CNTN4: variants seen among roughly 807,000 people sequenced by gnomAD.
CNTN4 encodes contactin-4.
Under a neutral mutation model 122.5 loss-of-function variants are expected in CNTN4, and 77 were observed. That is an observed-to-expected ratio of 0.63 (90% CI 0.52 to 0.76). The LOEUF (loss-of-function observed/expected upper bound fraction) is 0.76, where lower values mean the gene tolerates loss of function less well. Among genes scored for constraint, CNTN4 ranks in the 30% least tolerant of loss-of-function variants. The pLI, the probability that CNTN4 is intolerant of heterozygous loss-of-function variation, is 0.00. For missense variants in CNTN4, 1,256 were observed against 1,259.1 expected (o/e 1.00, Z 0.04); for synonymous variants, 512 against 447.0 (o/e 1.15, Z -1.83).
chr3:2,909,966 C>T (rs984460306), intron 12 of CNTN4, among the ~76,000 whole-genome samples: 1 of 152,216 alleles, frequency 6.6e-6, no homozygotes, highest in Non-Finnish European at 1.5e-5. Flanking sequence ...TGAACATAGT[C>T]TCCCTACCAA....
At chr3:2,772,350 T>G (rs1218227373) in intron 6 of CNTN4, among the ~76,000 whole-genome samples, 1 of 151,908 alleles carries the variant, frequency 6.6e-6, no homozygotes, top group East Asian at 1.9e-4. Context: ...TGAAAAATAC[T>G]TTTGTGGTGA....
chr3:2,252,972 A>G (rs1360078121), intron 2 of CNTN4, among the ~76,000 whole-genome samples: 4 of 152,106 alleles, frequency 2.6e-5, no homozygotes, highest in Non-Finnish European at 5.9e-5. Flanking sequence ...TATATTCACA[A>G]AAGAATACCA....
chr3:2,794,421 A>G (rs2092107097), intron 6 of CNTN4, among the ~76,000 whole-genome samples: 1 of 152,242 alleles, frequency 6.6e-6, no homozygotes, highest in African/African-American at 2.4e-5. Context: ...AGGAGATACA[A>G]TAAATAGTAA....
At chr3:2,816,933 G>A (rs2150211685) in intron 6 of CNTN4, among the ~76,000 whole-genome samples, 1 of 151,950 alleles carries the variant, frequency 6.6e-6, no homozygotes, top group Admixed American at 6.5e-5. Flanking sequence ...TGGAAACATT[G>A]CTGGTAAAGG....
At chr3:2,885,903 G>A (rs544785272) in intron 9 of CNTN4, among the ~76,000 whole-genome samples, 8 of 152,288 alleles carry the variant, frequency 5.3e-5, no homozygotes, top group African/African-American at 1.9e-4. Context: ...TTATCTGGAA[G>A]CCTTACGTAC....
chr3:2,964,607 T>C (rs1222843516), intron 13 of CNTN4, among the ~76,000 whole-genome samples: 4 of 152,184 alleles, frequency 2.6e-5, no homozygotes, highest in Non-Finnish European at 4.4e-5. Context: ...AGCTCCCATA[T>C]GTGACATAGC....
chr3:2,167,058 T>C (rs898150927), intron 2 of CNTN4, among the ~76,000 whole-genome samples: 2 of 152,152 alleles, frequency 1.3e-5, no homozygotes, highest in African/African-American at 4.8e-5. Context: ...GACATAGATG[T>C]AATAAAAATA....
intron 2 of CNTN4, among the ~76,000 whole-genome samples, chr3:2,264,005 C>T (rs2040943720): frequency 2.0e-5 from 3 of 152,096 alleles, no homozygotes; most frequent in African/African-American, 7.2e-5. Context: ...TTTATCTATC[C>T]ATTCATTTCT....
intron 3 of CNTN4, among the ~76,000 whole-genome samples, chr3:2,442,820 T>C (rs112825742): frequency 7.2e-5 from 11 of 152,286 alleles, no homozygotes; most frequent in African/African-American, 2.6e-4. Context: ...ATTTTTGAAA[T>C]GGTTAATGAG....
chr3:2,907,477 G>T (rs1432183941), intron 12 of CNTN4, among the ~76,000 whole-genome samples: 1 of 151,598 alleles, frequency 6.6e-6, no homozygotes, highest in African/African-American at 2.4e-5. Context: ...GGAGGCTGAG[G>T]CAGGAGAATC....
chr3:2,551,748 A>G (rs1486167540), intron 3 of CNTN4, among the ~76,000 whole-genome samples: 1 of 152,132 alleles, frequency 6.6e-6, no homozygotes, highest in Non-Finnish European at 1.5e-5. Flanking sequence ...TGCTTTTATA[A>G]CTTTTCTCTC....
At chr3:2,674,267 G>A (rs969490493) in intron 4 of CNTN4, among the ~76,000 whole-genome samples, 1 of 150,454 alleles carries the variant, frequency 6.6e-6, no homozygotes, top group Non-Finnish European at 1.5e-5. Context: ...TCCTCATCAC[G>A]TTTTTTTTTA....
Position 2,254,302 on chromosome 3 carries a change from C to T in CNTN4, c.-144-84876C>T, listed in dbSNP as rs184029975. On this transcript the variant is annotated intron_variant, in intron 2 of 24. Coordinates refer to ENST00000418658, the MANE Select transcript of CNTN4 (RefSeq NM_175607.3). ...ATCCAGTCTGTCATTGATGGGCATACGGGTTGGTTCCAAGTCTTTGTTATT... is the reference window on the plus strand; with the variant it reads ...ATCCAGTCTGTCATTGATGGGCATATGGGTTGGTTCCAAGTCTTTGTTATT... Among the ~76,000 whole-genome samples the T allele has an allele frequency of 7.2e-4, 109 of 152,070 alleles. 1 individual carries two copies. In the East Asian group the frequency reaches 0.015, roughly 21 times the overall value.
At chr3:2,549,417 T>G (rs532064275) in intron 3 of CNTN4, among the ~76,000 whole-genome samples, 1 of 152,316 alleles carries the variant, frequency 6.6e-6, no homozygotes, top group Non-Finnish European at 1.5e-5. Context: ...GAAGAGGTGT[T>G]GAATTTTATC....
intron 3 of CNTN4, among the ~76,000 whole-genome samples, chr3:2,346,645 A>T (rs1165134219): frequency 6.6e-6 from 1 of 152,140 alleles, no homozygotes; most frequent in Non-Finnish European, 1.5e-5. Context: ...TACCATGAAG[A>T]TATTGTTGTA....
chr3:2,268,390 C>T (rs13067279), intron 2 of CNTN4, among the ~76,000 whole-genome samples: 95,337 of 151,772 alleles, frequency 0.63, 30,913 homozygotes, highest in South Asian at 0.74. Flanking sequence ...GGAATTATAA[C>T]GAGAGCCTGA....
intron 16 of CNTN4, among the ~76,000 whole-genome samples, chr3:3,034,009 T>G (rs1699393804): frequency 6.6e-6 from 1 of 152,208 alleles, no homozygotes; most frequent in South Asian, 2.1e-4. Context: ...GCCTTGACTC[T>G]TGCGCACCGG....
chr3:2,184,475 G>T (rs1270041363), intron 2 of CNTN4, among the ~76,000 whole-genome samples: 2 of 152,114 alleles, frequency 1.3e-5, no homozygotes, highest in African/African-American at 4.8e-5. Context: ...TATGGAAGGA[G>T]GATGCTTCAG....
intron 2 of CNTN4, among the ~76,000 whole-genome samples, chr3:2,190,711 A>G (rs942937325): frequency 1.3e-5 from 2 of 151,930 alleles, no homozygotes; most frequent in African/African-American, 4.8e-5. Context: ...TGAGCCTATT[A>G]CATTTCTACA....
Sources: gnomAD v4.1 joint callset for allele counts (sites outside exome capture counted in the v4.1 genomes callset) on GRCh38, gnomAD v4.1.1 for gene constraint, MANE v1.5 for transcripts, NCBI Gene and HGNC (gene_info 2026-07-23, HGNC 2026-07-21) for gene names.